NR2C1: variants seen among roughly 807,000 people sequenced by gnomAD.
The protein encoded by NR2C1 is TR2 nuclear hormone receptor.
A neutral mutation model predicts 74.8 loss-of-function variants in NR2C1; 33 were observed. The ratio of observed to expected loss-of-function variants is 0.44; its 90% CI spans 0.33 to 0.59. The LOEUF is 0.59. Ranked by LOEUF, NR2C1 falls within the 20% of genes least tolerant of loss-of-function variation. NR2C1 has a pLI of 0.02. For missense variants in NR2C1, 568 were observed against 715.6 expected (o/e 0.79, Z 2.35); for synonymous variants, 225 against 240.6 (o/e 0.94, Z 0.60).
chr12:95,020,395 T>C lies in NR2C1; in HGVS notation c.*1834A>G, dbSNP rs1868667630. The C allele has an allele frequency of 1.3e-5, 2 of 152,186 alleles. No individual in the cohort carries two copies. The highest frequency in any genetic ancestry group is 2.9e-5 in the Non-Finnish European group (2 of 68,022). 9.4% of individuals were successfully genotyped at this position (152,186 alleles called of 1,614,324 possible). A position where few individuals can be genotyped will look rare whatever the true frequency, so the allele number is the denominator to read the frequency against. The stretch of plus-strand genomic sequence containing the variant: ...ACTATTAGTACATTATTTTAAAGGA[T>C]TATTTCCCTGATTCCTTGGCTTACT... On this transcript the variant is annotated 3_prime_UTR_variant, in exon 14 of 14. Transcript: ENST00000333003.
In NR2C1 at chr12:95,022,122, A is replaced by T; in HGVS notation, c.*107T>A. ...AATAAAAATACCTTGGATTCTGGTTACTTTTTAAAGTAAAAATTTCCAGAT... is the reference window on the plus strand; with the variant it reads ...AATAAAAATACCTTGGATTCTGGTTTCTTTTTAAAGTAAAAATTTCCAGAT... On this transcript the variant is annotated 3_prime_UTR_variant, in exon 14 of 14. Transcript: ENST00000333003. 1 of 834,176 alleles carries T rather than the reference A, an allele frequency of 1.2e-6. No homozygotes were observed. Among genetic ancestry groups the T allele is most frequent in the Non-Finnish European group, 1.7e-6 (1 of 575,986 alleles). 51.7% of individuals were successfully genotyped at this position (834,176 alleles called of 1,614,324 possible).
At chr12:95,032,828 T>C (rs1328751026) in intron 10 of NR2C1, among the ~76,000 whole-genome samples, 1 of 151,982 alleles carries the variant, frequency 6.6e-6, no homozygotes, top group African/African-American at 2.4e-5. Flanking sequence ...ATTAGCTGGG[T>C]GTGGAGGTGC....
chr12:95,031,033 G>T (rs1302677966), intron 11 of NR2C1, among the ~76,000 whole-genome samples: 6 of 152,256 alleles, frequency 3.9e-5, no homozygotes, highest in Non-Finnish European at 7.4e-5. Context: ...AGTAGTATAT[G>T]TTTTAAAATA....
At chr12:95,056,088 A>T (rs905678005) in intron 7 of NR2C1, among the ~76,000 whole-genome samples, 1 of 151,932 alleles carries the variant, frequency 6.6e-6, no homozygotes, top group Non-Finnish European at 1.5e-5. Flanking sequence ...TAACACAATG[A>T]AACTCGGTCT....
At chr12:95,024,250 A>G (rs1158339060) in intron 13 of NR2C1, among the ~76,000 whole-genome samples, 3 of 152,234 alleles carry the variant, frequency 2.0e-5, no homozygotes, top group South Asian at 2.1e-4. Context: ...ACACACTTAT[A>G]TAGCCCTTAC....
At chr12:95,042,561 T>C (rs1385514361) in intron 9 of NR2C1, among the ~76,000 whole-genome samples, 1 of 151,978 alleles carries the variant, frequency 6.6e-6, no homozygotes. Flanking sequence ...CCCTCAAAGG[T>C]ATCTTCTATC....
rs367681836 is a variant in NR2C1 at position 95,051,785 on chromosome 12, C to T, written c.942G>A (p.Met314Ile). The T allele has an allele frequency of 1.3e-5, 21 of 1,607,484 alleles. No homozygotes were observed. The highest frequency in any genetic ancestry group is 1.7e-5 in the Admixed American group (1 of 57,608). The change falls in exon 8 of 14, where the codon ATG becomes ATA. Residue 314 changes from methionine to isoleucine, a missense_variant. By Grantham distance (10) the Met-to-Ile change is conservative. Around this residue, in one of 6 missense-constraint regions of NR2C1, gnomAD observed 239 missense variants for 232.3 expected, o/e 1.03. Coordinates refer to ENST00000333003, the MANE Select transcript of NR2C1 (RefSeq NM_003297.4). ...ACCTTGAAACATCACCGTTGGTCTG[C>T]ATTTCTTGAAATTCACACAAAGAGG... ...DDTSLCEFQE[M>I]QTNGDVSRAF...
At position 95,073,575 on chromosome 12, in the gene NR2C1, G is replaced by C. The variant is rs1356602332; in HGVS notation, c.-203C>G. ...GGTCAGAGTTCGTGACCTCTTTCTCGGCTCGGCGGCGCGCTATCCCGCCAG... is the reference window on the plus strand; with the variant it reads ...GGTCAGAGTTCGTGACCTCTTTCTCCGCTCGGCGGCGCGCTATCCCGCCAG... On this transcript the variant is annotated 5_prime_UTR_variant, in exon 1 of 14. Coordinates refer to ENST00000333003, the MANE Select transcript of NR2C1 (RefSeq NM_003297.4). 6.6e-6 allele frequency: 1 copy of C among 152,374 alleles called. No individual in the cohort carries two copies. Among genetic ancestry groups the C allele is most frequent in the South Asian group, 2.1e-4 (1 of 4,828 alleles). 9.4% of individuals were successfully genotyped at this position (152,374 alleles called of 1,614,324 possible).
chr12:95,028,532 T>A lies in NR2C1; in HGVS notation c.1394-8A>T. ...TTTCTGTTGACATTTTATCTTTAAT[T>A]AAAAATAAACAAATGCTTCTAGTGT... On this transcript the variant is annotated splice_polypyrimidine_tract_variant and splice_region_variant and intron_variant, in intron 11 of 13. Coordinates refer to ENST00000333003, the MANE Select transcript of NR2C1 (RefSeq NM_003297.4). 2 of 1,471,504 alleles carry A rather than the reference T, an allele frequency of 1.4e-6. No individual in the cohort carries two copies. Among genetic ancestry groups the A allele is most frequent in the Non-Finnish European group, 1.9e-6 (2 of 1,060,098 alleles). The allele number at this position is 1,471,504 out of a possible 1,614,324, so 91.2% of individuals were successfully genotyped here. A position where few individuals can be genotyped will look rare whatever the true frequency, so the allele number is the denominator to read the frequency against.
chr12:95,072,884 A>G (rs1336862447), intron 1 of NR2C1: 2 of 152,266 alleles, frequency 1.3e-5, no homozygotes. Context: ...CCGTCCCGTG[A>G]AAGCACGGGA....
intron 2 of NR2C1, among the ~76,000 whole-genome samples, chr12:95,063,799 G>A (rs534260879): frequency 6.6e-6 from 1 of 152,274 alleles, no homozygotes; most frequent in Admixed American, 6.5e-5. Flanking sequence ...GGAGGCTGAG[G>A]CAGGTGGATC....
chr12:95,026,730 G>C (rs186096267), intron 12 of NR2C1: 1 of 152,268 alleles, frequency 6.6e-6, no homozygotes, highest in Non-Finnish European at 1.5e-5. Flanking sequence ...GGTTTCCTCA[G>C]ATAATTTTAT....
chr12:95,067,198 T>G, intron 2 of NR2C1, 133 bp downstream of exon 2: 1 of 753,026 alleles, frequency 1.3e-6, no homozygotes, highest in Admixed American at 2.4e-5. Context: ...TTCAACTATC[T>G]CTCAGTAGCT....
chr12:95,030,238 AGAC>A (rs2136100375), intron 11 of NR2C1, among the ~76,000 whole-genome samples: 1 of 152,362 alleles, frequency 6.6e-6, no homozygotes, highest in African/African-American at 2.4e-5. Context: ...CTGAAACACT[AGAC>A]AACTAAAAGT....
At chr12:95,061,410 T>C (rs1223712600) in intron 3 of NR2C1, among the ~76,000 whole-genome samples, 1 of 152,276 alleles carries the variant, frequency 6.6e-6, no homozygotes, top group Non-Finnish European at 1.5e-5. Context: ...AACTCTGTTC[T>C]ATATGCTCAG....
chr12:95,032,110 C>G (rs957082288), intron 10 of NR2C1, among the ~76,000 whole-genome samples: 1 of 152,204 alleles, frequency 6.6e-6, no homozygotes, highest in Non-Finnish European at 1.5e-5. Context: ...TCAGCTGATC[C>G]GCCTGCCTTG....
intron 7 of NR2C1, among the ~76,000 whole-genome samples, chr12:95,056,884 G>A (rs1286409179): frequency 4.0e-5 from 6 of 151,280 alleles, no homozygotes; most frequent in Non-Finnish European, 7.4e-5. Context: ...GCGGGAACCC[G>A]GGAAGCGGAG....
chr12:95,055,331 A>C (rs1027907765), intron 7 of NR2C1, among the ~76,000 whole-genome samples: 1 of 152,240 alleles, frequency 6.6e-6, no homozygotes, highest in Non-Finnish European at 1.5e-5. Context: ...AAAGGAGTTA[A>C]TATGTCAGTA....
rs1872642486 is a variant in NR2C1 at position 95,049,003 on chromosome 12, T to C, written c.1131+65A>G. The C allele has an allele frequency of 3.9e-5, 56 of 1,424,560 alleles. 1 individual carries two copies. The South Asian group carries it at 6.3e-4, about 16-fold the overall frequency. The allele number at this position is 1,424,560 out of a possible 1,614,324, so 88.2% of individuals were successfully genotyped here. A position where few individuals can be genotyped will look rare whatever the true frequency, so the allele number is the denominator to read the frequency against. ...TAAAAGCACAACAAACATACTTTGA[T>C]TTTTGAAAGGTAGATCAAAATCAAG... On this transcript the variant is annotated intron_variant, in intron 9 of 13. Transcript: ENST00000333003.
Sources: allele counts gnomAD v4.1 joint callset (sites outside exome capture counted in the v4.1 genomes callset), GRCh38; gene constraint gnomAD v4.1.1; regional missense constraint gnomAD v4.1.1; transcripts MANE v1.5; gene names NCBI Gene and HGNC (gene_info 2026-07-23, HGNC 2026-07-21).